STIM1: variants seen among roughly 807,000 people sequenced by gnomAD.
The protein encoded by STIM1 is stromal interaction molecule 1.
In STIM1, 25 loss-of-function variants were observed where a neutral mutation model predicts 74.7. The observed-to-expected ratio is 0.33, with a 90% confidence interval of 0.24 to 0.47. The LOEUF (loss-of-function observed/expected upper bound fraction) is 0.47, where lower values mean the gene tolerates loss of function less well. STIM1 is among the 20% of genes least tolerant of loss of function. STIM1 has a pLI of 1.00. For missense variants in STIM1, 728 were observed against 920.8 expected (o/e 0.79, Z 2.71); for synonymous variants, 328 against 348.8 (o/e 0.94, Z 0.66).
At chr11:3,968,141 A>C (rs2093357594) in intron 2 of STIM1, among the ~76,000 whole-genome samples, 2 of 152,224 alleles carry the variant, frequency 1.3e-5, no homozygotes, top group Admixed American at 1.3e-4. Flanking sequence ...ATTGTTTTAG[A>C]AAGATCATTC....
intron 3 of STIM1, among the ~76,000 whole-genome samples, chr11:4,047,554 T>C (rs1660576792): frequency 6.6e-6 from 1 of 152,012 alleles, no homozygotes; most frequent in South Asian, 2.1e-4. Flanking sequence ...AGGCGGAGGC[T>C]TCAGTGAGCT....
At chr11:3,870,090 A>G (rs1161874917) in intron 1 of STIM1, among the ~76,000 whole-genome samples, 3 of 152,200 alleles carry the variant, frequency 2.0e-5, no homozygotes, top group Non-Finnish European at 4.4e-5. Flanking sequence ...TACACTCCAC[A>G]GGACTTCAGG....
At chr11:4,013,591 G>A (rs1452049865) in intron 2 of STIM1, among the ~76,000 whole-genome samples, 7 of 150,760 alleles carry the variant, frequency 4.6e-5, no homozygotes, top group African/African-American at 7.3e-5. Context: ...CTGTGGGATC[G>A]GTGGCGATAT....
At chr11:3,874,340 G>T (rs1463504216) in intron 1 of STIM1, among the ~76,000 whole-genome samples, 2 of 152,154 alleles carry the variant, frequency 1.3e-5, no homozygotes, top group Non-Finnish European at 2.9e-5. Flanking sequence ...ACCAGAAAAA[G>T]GGATAAGGAA....
intron 1 of STIM1, among the ~76,000 whole-genome samples, chr11:3,884,739 G>A (rs780014391): frequency 1.3e-4 from 20 of 150,156 alleles, no homozygotes; most frequent in East Asian, 1.9e-4. Context: ...CTGAGATTGC[G>A]CCACTGCACT....
At chr11:4,087,955 G>A (rs2094503158) in intron 12 of STIM1, among the ~76,000 whole-genome samples, 1 of 151,858 alleles carries the variant, frequency 6.6e-6, no homozygotes, top group Non-Finnish European at 1.5e-5. Context: ...CACATTTTAA[G>A]AACAGTAAGT....
intron 1 of STIM1, among the ~76,000 whole-genome samples, chr11:3,894,231 C>CTT (rs895375399): frequency 6.6e-6 from 1 of 152,064 alleles, no homozygotes; most frequent in Non-Finnish European, 1.5e-5. Flanking sequence ...ATGTTTTAAA[C>CTT]TTTTTTTTAC....
chr11:4,017,733 C>T (rs2093911970), intron 2 of STIM1, among the ~76,000 whole-genome samples: 1 of 152,204 alleles, frequency 6.6e-6, no homozygotes, highest in Non-Finnish European at 1.5e-5. Flanking sequence ...TTAATCAAAC[C>T]TAAAAAATCA....
chr11:4,088,917 GC>G, intron 12 of STIM1: 2 of 633,774 alleles, frequency 3.2e-6, no homozygotes, highest in Non-Finnish European at 5.6e-6. Context: ...CCAACTTTTA[GC>G]TGATGAGAGA....
At chr11:4,069,033 TTCTC>T (rs2094386716) in intron 5 of STIM1, among the ~76,000 whole-genome samples, 1 of 152,140 alleles carries the variant, frequency 6.6e-6, no homozygotes, top group Non-Finnish European at 1.5e-5. Flanking sequence ...TTTTCCCTCT[TTCTC>T]TGACTCCCAC....
At chr11:3,889,288 G>C (rs539120662) in intron 1 of STIM1, among the ~76,000 whole-genome samples, 29 of 151,922 alleles carry the variant, frequency 1.9e-4, no homozygotes, top group African/African-American at 5.8e-4. Context: ...CCAGACACAG[G>C]GGGTGTGAGA....
At chr11:3,998,813 A>G (rs957164799) in intron 2 of STIM1, among the ~76,000 whole-genome samples, 2 of 152,156 alleles carry the variant, frequency 1.3e-5, no homozygotes, top group African/African-American at 4.8e-5. Flanking sequence ...AGCATTTTAA[A>G]TGGAGCACCT....
chr11:3,962,484 T>C (rs749530145), intron 1 of STIM1, among the ~76,000 whole-genome samples: 2 of 149,562 alleles, frequency 1.3e-5, no homozygotes, highest in Admixed American at 6.7e-5. Context: ...TGTATAAAAA[T>C]AATATTTTCT....
At chr11:4,029,004 G>A (rs2094023778) in intron 3 of STIM1, among the ~76,000 whole-genome samples, 1 of 151,884 alleles carries the variant, frequency 6.6e-6, no homozygotes, top group South Asian at 2.1e-4. Flanking sequence ...TGGCCAACAT[G>A]GTGAAACCCC....
chr11:3,932,666 GAAAAAA>G (rs57059104), intron 1 of STIM1, among the ~76,000 whole-genome samples: 3 of 86,970 alleles, frequency 3.4e-5, no homozygotes, highest in African/African-American at 1.3e-4. Flanking sequence ...TGTCTCAAAG[GAAAAAA>G]AAAAAAAAAA....
intron 1 of STIM1, among the ~76,000 whole-genome samples, chr11:3,942,957 A>C (rs1215346448): frequency 6.6e-6 from 1 of 152,168 alleles, no homozygotes; most frequent in African/African-American, 2.4e-5. Context: ...TAGGTTCTTT[A>C]CAGAGTTAGA....
intron 2 of STIM1, among the ~76,000 whole-genome samples, chr11:4,013,038 C>T (rs1315046883): frequency 6.6e-6 from 1 of 152,160 alleles, no homozygotes; most frequent in Admixed American, 6.5e-5. Context: ...TATTGATCTG[C>T]ATATGTTGAA....
At chr11:3,871,024 C>T (rs531518291) in intron 1 of STIM1, among the ~76,000 whole-genome samples, 6 of 152,074 alleles carry the variant, frequency 3.9e-5, no homozygotes, top group South Asian at 2.1e-4. Context: ...AGGCGCCTGC[C>T]ACCACTCCCA....
intron 2 of STIM1, among the ~76,000 whole-genome samples, chr11:4,004,853 T>C (rs1353694575): frequency 1.3e-5 from 2 of 152,188 alleles, no homozygotes; most frequent in Non-Finnish European, 2.9e-5. Flanking sequence ...AAAGGGCTAA[T>C]ATCCAGAATC....
Sources: allele counts gnomAD v4.1 joint callset (sites outside exome capture counted in the v4.1 genomes callset), GRCh38; gene constraint gnomAD v4.1.1; transcripts MANE v1.5; gene names NCBI Gene and HGNC (gene_info 2026-07-23, HGNC 2026-07-21).